BDP1: variants seen among roughly 807,000 people sequenced by gnomAD.
The protein encoded by BDP1 is BDP1 general transcription factor IIIB subunit.
Under a neutral mutation model 266.6 loss-of-function variants are expected in BDP1, and 169 were observed. That is an observed-to-expected ratio of 0.63 (90% CI 0.56 to 0.72). BDP1 has a LOEUF of 0.72. Ranked by LOEUF, BDP1 falls within the 30% of genes least tolerant of loss-of-function variation. The pLI, the probability that BDP1 is intolerant of heterozygous loss-of-function variation, is 0.00. For missense variants in BDP1, 3,015 were observed against 3,053.8 expected, an observed-to-expected ratio of 0.99 and a Z score of 0.30; for synonymous variants, 1,090 against 1,022.4, an observed-to-expected ratio of 1.07 and a Z score of -1.26.
chr5:71,559,977 TGAAGGG>T lies in BDP1; in HGVS notation c.7241-2_7244del. Reference sequence around the variant, plus strand: ...CTTGCTTTCCATTTGCTCTTTTTTTTGAAGGGGAGTCTCACAAGGGACAAGATATTT... The same window carrying T: ...CTTGCTTTCCATTTGCTCTTTTTTTTGAGTCTCACAAGGGACAAGATATTT... On this transcript the variant is annotated splice_acceptor_variant and splice_polypyrimidine_tract_variant and coding_sequence_variant and intron_variant, in exon 37 of 39. Transcript: ENST00000358731. LOFTEE classifies it high-confidence loss of function. 6.2e-7 allele frequency: 1 copy of T among 1,611,556 alleles called. No individual in the cohort carries two copies. The highest frequency in any genetic ancestry group is 8.5e-7 in the Non-Finnish European group (1 of 1,179,464).
chr5:71,561,871 A>G (rs1279899230), intron 37 of BDP1, among the ~76,000 whole-genome samples: 1 of 152,138 alleles, frequency 6.6e-6, no homozygotes, highest in African/African-American at 2.4e-5. Context: ...GGGTCCTGCT[A>G]ATTTTGCCCA....
chr5:71,493,897 T>A lies in BDP1; in HGVS notation c.1641-1353T>A, dbSNP rs973838180. Reference sequence around the variant, plus strand: ...AGCTGAGATTTGAAAAACATAATATTTGATCCTTGTGTTACCATATCCGCT... The same window carrying A: ...AGCTGAGATTTGAAAAACATAATATATGATCCTTGTGTTACCATATCCGCT... On this transcript the variant is annotated intron_variant, in intron 11 of 38. Transcript: ENST00000358731. 3.9e-5 allele frequency among the ~76,000 whole-genome samples: 6 copies of A among 152,328 alleles called. No homozygotes were observed. The East Asian group carries it at 1.2e-3, about 29-fold the overall frequency.
chr5:71,559,847 A>G, intron 36 of BDP1, 135 bp from the exon 37 acceptor site: 1 of 811,900 alleles, frequency 1.2e-6, no homozygotes, highest in Non-Finnish European at 1.9e-6. Context: ...AAGTAACTCC[A>G]CTAATGATAA....
rs888023281 is a variant in BDP1, at chr5:71,465,970, A to G, written c.660-126A>G. On this transcript the variant is annotated intron_variant, in intron 4 of 38. Coordinates refer to ENST00000358731, the MANE Select transcript of BDP1 (RefSeq NM_018429.3). ...GTCCTTAATAACACATACTGTTTTC[A>G]TTTGGATTATAGGGAAAGTTGGAAA... 2.0e-5 allele frequency: 20 copies of G among 1,005,290 alleles called. 1 individual carries two copies. Among genetic ancestry groups the G allele is most frequent in the Non-Finnish European group, 2.4e-5 (17 of 697,748 alleles). The allele number at this position is 1,005,290 out of a possible 1,614,324, so 62.3% of individuals were successfully genotyped here.
chr5:71,494,479 A>G (rs1382672224), intron 11 of BDP1: 1 of 152,204 alleles, frequency 6.6e-6, no homozygotes, highest in Non-Finnish European at 1.5e-5. Flanking sequence ...ACGTGCTACC[A>G]CACCTGGCTG....
rs755984815 is a variant in BDP1 at position 71,522,762 on chromosome 5, G to A, written c.5200G>A (p.Ala1734Thr). The part of the protein sequence containing the change: ...SNTQLLLKEK[A>T]ELLTSLEVSA... ...ATTTCTTCTTAAATTTAAGGAAAAA[G>A]CTGAGCTTCTGACATCTCTGGAGGT... Residue 1734 changes from alanine (A) to threonine (T), a missense_variant, in exon 24 of 39, where the codon GCT (alanine) becomes ACT (threonine). Ala to Thr is a moderately conservative substitution (Grantham distance 58, BLOSUM62 0). Coordinates refer to ENST00000358731, the MANE Select transcript of BDP1 (RefSeq NM_018429.3). 2.8e-5 allele frequency: 44 copies of A among 1,583,332 alleles called. No individual in the cohort carries two copies. The Admixed American group carries it at 4.0e-4, about 14-fold the overall frequency.
chr5:71,470,610 A>G, intron 7 of BDP1, 121 bp downstream of exon 7: 2 of 668,664 alleles, frequency 3.0e-6, no homozygotes, highest in Non-Finnish European at 2.5e-6. Flanking sequence ...TTTCATTGAG[A>G]CAGAGTTTCA....
At position 71,523,980 on chromosome 5, in the gene BDP1, C is replaced by T; in HGVS notation, c.5429C>T (p.Ala1810Val). ...PLNETSYSKIALDGKTTISST... is the reference protein window; with the variant it reads ...PLNETSYSKIVLDGKTTISST... ...AACGAAACAAGTTACTCTAAAATTG[C>T]CCTGGATGGGAAAACAACTATCTCT... The change falls in exon 25 of 39, where the codon GCC (alanine) becomes GTC (valine). Residue 1810 changes from alanine (A) to valine (V), a missense_variant. Ala to Val is a moderately conservative substitution (Grantham distance 64). Transcript: ENST00000358731. 1 of 1,613,988 alleles carries T rather than the reference C, an allele frequency of 6.2e-7. No homozygotes were observed. Among genetic ancestry groups the T allele is most frequent in the Non-Finnish European group, 8.5e-7 (1 of 1,179,954 alleles).
intron 30 of BDP1, 41 bp downstream of exon 30, chr5:71,542,306 CA>C (rs1767018729): frequency 1.3e-6 from 2 of 1,496,448 alleles, no homozygotes; most frequent in East Asian, 4.7e-5. Context: ...ATCATTTTGA[CA>C]CAAGAAATTA....
chr5:71,508,456 C>T (rs1764704517), intron 16 of BDP1, among the ~76,000 whole-genome samples: 1 of 143,452 alleles, frequency 7.0e-6, no homozygotes, highest in Admixed American at 7.6e-5. Context: ...AGGTGCACGC[C>T]ACCTCACTTG....
intron 14 of BDP1, 118 bp downstream of exon 14, chr5:71,501,771 A>G: frequency 1.5e-6 from 1 of 664,482 alleles, no homozygotes; most frequent in Non-Finnish European, 2.6e-6. Context: ...AGCATACTTT[A>G]AGTTCGTTTT....
intron 16 of BDP1, among the ~76,000 whole-genome samples, chr5:71,508,518 G>A (rs1022161469): frequency 7.3e-5 from 11 of 151,496 alleles, no homozygotes; most frequent in African/African-American, 2.4e-4. Context: ...AAACTCATGG[G>A]CTCAAGCCAT....
chr5:71,510,150 T>G lies in BDP1; in HGVS notation c.3058T>G (p.Ser1020Ala), dbSNP rs746722677. The part of the protein sequence containing the change: ...TDLNATGRES[S>A]PREKTPEVID... Reference sequence around the variant, plus strand: ...TTTGAACGCAACTGGAAGAGAGAGTTCTCCAAGGGAGAAGACACCAGAGGT... The same window carrying G: ...TTTGAACGCAACTGGAAGAGAGAGTGCTCCAAGGGAGAAGACACCAGAGGT... The change falls in exon 17 of 39, where the codon TCT (serine) becomes GCT (alanine). Residue 1020 changes from serine to alanine, a missense_variant. By Grantham distance (99) the Ser-to-Ala change is moderately conservative. Transcript: ENST00000358731. 6.2e-7 allele frequency: 1 copy of G among 1,613,228 alleles called. No homozygotes were observed. Among genetic ancestry groups the G allele is most frequent in the Non-Finnish European group, 8.5e-7 (1 of 1,179,846 alleles).
rs1293579351 is a variant in BDP1 at position 71,562,486 on chromosome 5, C to T, written c.7709C>T (p.Thr2570Ile). Residue 2570 changes from threonine (T) to isoleucine (I), a missense_variant, in exon 38 of 39, where the codon ACT (threonine) becomes ATT (isoleucine). Physicochemically the swap from Thr to Ile is moderately conservative, Grantham distance 89. Around this residue, in one of 3 missense-constraint regions of BDP1, gnomAD observed 629 missense variants for 632.5 expected, o/e 0.99. Coordinates refer to ENST00000358731, the MANE Select transcript of BDP1 (RefSeq NM_018429.3). ...DLLPSPSVIT[T>I]QSENISSSAT... ...CTTCCATCTCCAAGTGTTATTACTA[C>T]TCAATCTGAGAATATTAGCAGCTCA... 6.2e-7 allele frequency: 1 copy of T among 1,613,852 alleles called. No individual in the cohort carries two copies.
intron 26 of BDP1, among the ~76,000 whole-genome samples, chr5:71,532,822 A>G (rs1251905907): frequency 6.6e-6 from 1 of 152,226 alleles, no homozygotes; most frequent in East Asian, 1.9e-4. Context: ...TTTTCTCATT[A>G]TTTAAAGTGC....
chr5:71,520,618 A>G (rs765521883), intron 22 of BDP1, among the ~76,000 whole-genome samples: 1 of 151,458 alleles, frequency 6.6e-6, no homozygotes, highest in African/African-American at 2.5e-5. Context: ...GAATTTTACC[A>G]CTGAAAATAA....
At chr5:71,560,576 G>A (rs1743574092) in intron 37 of BDP1, among the ~76,000 whole-genome samples, 1 of 152,198 alleles carries the variant, frequency 6.6e-6, no homozygotes, top group Non-Finnish European at 1.5e-5. Context: ...GACATCAGAA[G>A]TTGTTTTACT....
chr5:71,522,844 C>T lies in BDP1; in HGVS notation c.5282C>T (p.Ala1761Val), dbSNP rs371095241. The T allele has an allele frequency of 3.8e-5, 61 of 1,613,312 alleles. No individual in the cohort carries two copies. The South Asian group carries it at 4.8e-4, about 13-fold the overall frequency. The change falls in exon 24 of 39, where the codon GCG (alanine) becomes GTG (valine). Residue 1761 changes from alanine (A) to valine (V), a missense_variant. Around this residue, in one of 3 missense-constraint regions of BDP1, gnomAD observed 2,383 missense variants for 2,404.9 expected, o/e 0.99. Coordinates refer to ENST00000358731, the MANE Select transcript of BDP1 (RefSeq NM_018429.3). ...SKESALAKID[A>V]ELEEVGPSRR... ...GAGTCTGCTTTGGCAAAAATAGATG[C>T]GGAATTAGAAGAAGTTGGACCATCA...
intron 16 of BDP1, among the ~76,000 whole-genome samples, chr5:71,508,800 T>C (rs1221383350): frequency 2.0e-5 from 3 of 152,188 alleles, no homozygotes; most frequent in East Asian, 3.8e-4. Context: ...TGCTGCTGCT[T>C]TTCTGGAGAG....
Sources: gnomAD v4.1 joint callset for allele counts (sites outside exome capture counted in the v4.1 genomes callset) on GRCh38, gnomAD v4.1.1 for gene constraint, gnomAD v4.1.1 regional missense constraint, MANE v1.5 for transcripts, NCBI Gene and HGNC (gene_info 2026-07-23, HGNC 2026-07-21) for gene names.